PPP2R1A: variants seen among roughly 807,000 people sequenced by gnomAD.
The protein encoded by PPP2R1A is serine/threonine-protein phosphatase 2A 65 kDa regulatory subunit A alpha isoform.
Under a neutral mutation model 67.1 loss-of-function variants are expected in PPP2R1A, and 15 were observed. That is an observed-to-expected ratio of 0.22 (90% confidence interval 0.15 to 0.34). PPP2R1A has a LOEUF of 0.34. Among genes scored for constraint, PPP2R1A ranks in the 10% least tolerant of loss-of-function variants. The pLI is 1.00. For synonymous variants in PPP2R1A, 337 were observed against 325.0 expected (o/e 1.04, Z -0.40); for missense variants, 369 against 775.0 (o/e 0.48, Z 6.22).
rs1360947202 is a variant in PPP2R1A at position 52,219,388 on chromosome 19, A to G, written c.1129-303A>G. On this transcript the variant is annotated intron_variant, in intron 9 of 14. Transcript: ENST00000322088. The surrounding 1 kb of genome is among the most constrained non-coding windows in gnomAD (Gnocchi z 4.0). ...AAGCAGCGGAGCTAGGATTAGAAGA[A>G]TCATGTCTGCCTGTTTTTTCCAGGG... is the stretch of plus-strand genomic sequence containing the variant. Among the ~76,000 whole-genome samples, 1 of 152,264 alleles carries G rather than the reference A, an allele frequency of 6.6e-6. No homozygotes were observed. The highest frequency in any genetic ancestry group is 1.5e-5 in the Non-Finnish European group (1 of 68,054).
chr19:52,198,775 GCCTCA>G (rs915305976), intron 1 of PPP2R1A, among the ~76,000 whole-genome samples: 7 of 152,160 alleles, frequency 4.6e-5, no homozygotes, highest in African/African-American at 1.7e-4. Context: ...GTAAGTGACA[GCCTCA>G]CCTCTGTGCA....
Position 52,212,791 on chromosome 19 carries a change from T to C in PPP2R1A, c.609T>C (p.Ser203=), listed in dbSNP as rs756612403. 5 of 1,612,398 alleles carry C rather than the reference T, an allele frequency of 3.1e-6. No homozygotes were observed. The highest frequency in any genetic ancestry group is 4.2e-6 in the Non-Finnish European group (5 of 1,179,254). The stretch of plus-strand genomic sequence containing the variant: ...TGCTGGAGCTGGACAACGTCAAGAG[T>C]GAGATCATCCCCATGTTCTCCAACC... ...AKVLELDNVK[S]EIIPMFSNLA... Residue 203 remains serine, a synonymous_variant, in exon 5 of 15, where the codon AGT becomes AGC. Coordinates refer to ENST00000322088, the MANE Select transcript of PPP2R1A (RefSeq NM_014225.6). This position sits in a 1 kb window ranked among gnomAD's most constrained non-coding sequence, Gnocchi z 4.1.
At position 52,226,110 on chromosome 19, in the gene PPP2R1A, C is replaced by A; in HGVS notation, c.*129C>A. 6 of 1,410,584 alleles carry A rather than the reference C, an allele frequency of 4.3e-6. No individual in the cohort carries two copies. Among genetic ancestry groups the A allele is most frequent in the East Asian group, 2.3e-5 (1 of 43,146 alleles). The allele number at this position is 1,410,584 out of a possible 1,614,324, so 87.4% of individuals were successfully genotyped here. On this transcript the variant is annotated 3_prime_UTR_variant, in exon 15 of 15. Transcript: ENST00000322088. ...CATGGTCTGACCCCAGGCCCCTTCC[C>A]CCAGCACGGTTCCTCCTCTCCCCAG...
Position 52,211,625 on chromosome 19 carries a change from C to G in PPP2R1A, c.503+133C>G. ...TCTCCACTCCCACTCCTGCTTACCA[C>G]CTGATAGGCCACATCCTCGAGAGTT... On this transcript the variant is annotated intron_variant, in intron 4 of 14. Transcript: ENST00000322088. The surrounding 1 kb of genome is among the most constrained non-coding windows in gnomAD (Gnocchi z 5.3). 1 of 863,540 alleles carries G rather than the reference C, an allele frequency of 1.2e-6. No homozygotes were observed. 53.5% of individuals were successfully genotyped at this position (863,540 alleles called of 1,614,324 possible).
intron 12 of PPP2R1A, among the ~76,000 whole-genome samples, chr19:52,221,434 T>C (rs1053232991): frequency 2.7e-4 from 41 of 152,256 alleles, no homozygotes; most frequent in African/African-American, 9.9e-4. Flanking sequence ...CCCTGAGAAA[T>C]GTGTGTCTCT....
chr19:52,214,324 C>G (rs551349859), intron 6 of PPP2R1A, among the ~76,000 whole-genome samples: 20 of 152,100 alleles, frequency 1.3e-4, no homozygotes, highest in African/African-American at 4.8e-4. Context: ...CGCCCTTTGC[C>G]TTTAATTATG....
Position 52,225,949 on chromosome 19 carries a change from G to T in PPP2R1A, c.1754-16G>T. The T allele has an allele frequency of 6.2e-7, 1 of 1,614,208 alleles. No homozygotes were observed. Among genetic ancestry groups the T allele is most frequent in the Non-Finnish European group, 8.5e-7 (1 of 1,180,032 alleles). The stretch of plus-strand genomic sequence containing the variant: ...AGGGCTCTGGTTCTGATTCTTGCCT[G>T]TTCCTGTTTTCCTAGTTCTGTCTCT... On this transcript the variant is annotated splice_polypyrimidine_tract_variant and intron_variant, in intron 14 of 14. Coordinates refer to ENST00000322088, the MANE Select transcript of PPP2R1A (RefSeq NM_014225.6).
chr19:52,211,307 C>A lies in PPP2R1A; in HGVS notation c.318C>A (p.Asp106Glu). Residue 106 changes from aspartate to glutamate, a missense_variant, in exon 4 of 15, where the codon GAC becomes GAA. By Grantham distance (45) the Asp-to-Glu change is conservative. Coordinates refer to ENST00000322088, the MANE Select transcript of PPP2R1A (RefSeq NM_014225.6). This position sits in a 1 kb window ranked among gnomAD's most constrained non-coding sequence, Gnocchi z 5.3. ...LATVEETVVR[D>E]KAVESLRAIS... ...CAGTGGAGGAGACAGTGGTGCGGGACAAGGCAGTGGAGTCCTTACGGGCCA... is the reference window on the plus strand; with the variant it reads ...CAGTGGAGGAGACAGTGGTGCGGGAAAAGGCAGTGGAGTCCTTACGGGCCA... 6.2e-7 allele frequency: 1 copy of A among 1,613,534 alleles called. No homozygotes were observed. Among genetic ancestry groups the A allele is most frequent in the African/African-American group, 1.3e-5 (1 of 75,052 alleles).
rs566268056 is a variant in PPP2R1A at position 52,190,405 on chromosome 19, G to T, written c.78+231G>T. On this transcript the variant is annotated intron_variant, in intron 1 of 14. Transcript: ENST00000322088. ...CGCTAGCCTCGAGGGTCCCGGGCCT[G>T]CCCTGTGCGCGCGGCGGTCCGCGGT... is the stretch of plus-strand genomic sequence containing the variant. 375 of 586,190 alleles carry T rather than the reference G, an allele frequency of 6.4e-4. 2 individuals carry two copies. Among genetic ancestry groups the T allele is most frequent in the African/African-American group, 6.1e-3 (317 of 52,036 alleles). The allele number at this position is 586,190 out of a possible 1,614,324, so 36.3% of individuals were successfully genotyped here. A position where few individuals can be genotyped will look rare whatever the true frequency, so the allele number is the denominator to read the frequency against.
At chr19:52,221,519 G>A (rs1223764038) in intron 12 of PPP2R1A, among the ~76,000 whole-genome samples, 1 of 152,094 alleles carries the variant, frequency 6.6e-6, no homozygotes, top group African/African-American at 2.4e-5. Flanking sequence ...CCATATATTA[G>A]CTATGGACCT....
intron 13 of PPP2R1A, 96 bp from the exon 14 acceptor site, chr19:52,225,621 C>T (rs1255570062): frequency 9.1e-7 from 1 of 1,103,542 alleles, no homozygotes; most frequent in Non-Finnish European, 1.4e-6. Context: ...GTATCCGTGT[C>T]TGTGTACACT....
chr19:52,221,638 T>A (rs925939242), intron 12 of PPP2R1A, among the ~76,000 whole-genome samples: 1 of 152,282 alleles, frequency 6.6e-6, no homozygotes, highest in African/African-American at 2.4e-5. Flanking sequence ...TTAATCAGGT[T>A]ATACACGCAC....
chr19:52,221,652 GC>G (rs1978937156), intron 12 of PPP2R1A, among the ~76,000 whole-genome samples: 1 of 152,096 alleles, frequency 6.6e-6, no homozygotes. Context: ...CACGCACAGG[GC>G]TTAGAACAGT....
chr19:52,201,213 A>G (rs796182623), intron 1 of PPP2R1A: 13 of 152,388 alleles, frequency 8.5e-5, no homozygotes, highest in African/African-American at 3.1e-4. Flanking sequence ...TCACTGGGAC[A>G]TAACTTTTTG....
intron 1 of PPP2R1A, chr19:52,190,964 A>C (rs1383874762): frequency 1.3e-5 from 2 of 152,156 alleles, no homozygotes; most frequent in Non-Finnish European, 2.9e-5. Flanking sequence ...GGTTCAAACC[A>C]TCCTCGCCCC....
At chr19:52,223,037 C>G (rs1019259459) in intron 13 of PPP2R1A, among the ~76,000 whole-genome samples, 2 of 152,184 alleles carry the variant, frequency 1.3e-5, no homozygotes, top group African/African-American at 4.8e-5. Flanking sequence ...GAGACGAAGA[C>G]TTATGACACC....
intron 1 of PPP2R1A, among the ~76,000 whole-genome samples, chr19:52,199,012 G>A (rs2089522555): frequency 6.6e-6 from 1 of 152,146 alleles, no homozygotes; most frequent in Non-Finnish European, 1.5e-5. Context: ...ATTGTCCTCA[G>A]GGCTGTTGCT....
At chr19:52,204,200 A>G (rs1337451957) in intron 2 of PPP2R1A, among the ~76,000 whole-genome samples, 1 of 152,222 alleles carries the variant, frequency 6.6e-6, no homozygotes, top group African/African-American at 2.4e-5. Flanking sequence ...GTTGAGCAAG[A>G]TTGTTAAGGG....
intron 1 of PPP2R1A, 123 bp from the exon 2 acceptor site, chr19:52,201,821 C>G: frequency 1.2e-6 from 1 of 809,094 alleles, no homozygotes. Context: ...CCAAATTACT[C>G]TTGAGCATCT....
Sources: gnomAD v4.1 joint callset for allele counts (sites outside exome capture counted in the v4.1 genomes callset) on GRCh38, gnomAD v4.1.1 for gene constraint, Gnocchi (gnomAD v3.1) non-coding constraint, MANE v1.5 for transcripts, NCBI Gene and HGNC (gene_info 2026-07-23, HGNC 2026-07-21) for gene names.